CYP26C1: variants seen among roughly 807,000 people sequenced by gnomAD.
CYP26C1 encodes cytochrome P450 26C1.
In CYP26C1, 41 loss-of-function variants were observed where a neutral mutation model predicts 39.1. That is an observed-to-expected ratio of 1.05 (90% CI 0.82 to 1.36). CYP26C1 has a LOEUF of 1.36. Among genes scored for constraint, CYP26C1 ranks in the 40% most tolerant of loss-of-function variants. The pLI, the probability that CYP26C1 is intolerant of heterozygous loss-of-function variation, is 0.00. For missense variants in CYP26C1, 833 were observed against 752.0 expected, an observed-to-expected ratio of 1.11 and a Z score of -1.26; for synonymous variants, 362 against 350.8, an observed-to-expected ratio of 1.03 and a Z score of -0.36.
chr10:93,064,557 C>T (rs1242725557), intron 4 of CYP26C1, 21 bp downstream of exon 4: 1 of 1,602,258 alleles, frequency 6.2e-7, no homozygotes, highest in Non-Finnish European at 8.5e-7. Context: ...ACAGGCCGCT[C>T]CTTCTCCCCT....
At chr10:93,063,122 C>A in intron 3 of CYP26C1, 127 bp downstream of exon 3, 2 of 1,428,118 alleles carry the variant, frequency 1.4e-6, no homozygotes, top group South Asian at 1.5e-5. Context: ...GGCGGCAGGG[C>A]CCGGGGGTGG....
chr10:93,062,655 A>C, intron 2 of CYP26C1, 65 bp from the exon 3 acceptor site: 3 of 1,312,398 alleles, frequency 2.3e-6, no homozygotes, highest in Admixed American at 3.5e-5. Context: ...CCTTCTGGCT[A>C]CTCCGGAATC....
intron 4 of CYP26C1, 177 bp downstream of exon 4, chr10:93,064,713 C>T (rs998335064): frequency 1.1e-4 from 155 of 1,349,812 alleles, no homozygotes; most frequent in East Asian, 8.6e-5. Context: ...ACACTCACTA[C>T]CTCTGCAGCC....
rs781525825 is a variant in CYP26C1, at chr10:93,068,484, C to T, written c.1356C>T (p.Phe452=). 3 of 1,609,508 alleles carry T rather than the reference C, an allele frequency of 1.9e-6. No homozygotes were observed. The highest frequency in any genetic ancestry group is 2.2e-5 in the East Asian group (1 of 44,784). ...GASSRFHYIP[F]GGGARSCLGQ... is the part of the protein sequence containing the mutation. The stretch of plus-strand genomic sequence containing the variant: ...CCAGCCGCTTCCATTACATCCCGTT[C>T]GGCGGCGGTGCGCGCAGCTGCCTCG... Residue 452 remains phenylalanine, a synonymous_variant, in exon 6 of 6, where the codon TTC becomes TTT. Transcript: ENST00000651965.
Position 93,062,315 on chromosome 10 carries a change from G to A in CYP26C1, c.429+81G>A, listed in dbSNP as rs911968457. ...TGCCATGGGCCAGGCCGGGGCCCCGGTGTTGGATACACTGTGAACCCGACC... is the reference window on the plus strand; with the variant it reads ...TGCCATGGGCCAGGCCGGGGCCCCGATGTTGGATACACTGTGAACCCGACC... On this transcript the variant is annotated intron_variant, in intron 2 of 5. Transcript: ENST00000651965. 5 of 1,408,360 alleles carry A rather than the reference G, an allele frequency of 3.6e-6. No homozygotes were observed. The South Asian group carries it at 5.6e-5, about 16-fold the overall frequency. 87.2% of individuals were successfully genotyped at this position (1,408,360 alleles called of 1,614,324 possible). A position where few individuals can be genotyped will look rare whatever the true frequency, so the allele number is the denominator to read the frequency against.
chr10:93,061,578 C>G (rs1846749819), intron 1 of CYP26C1, 111 bp downstream of exon 1: 1 of 1,341,882 alleles, frequency 7.5e-7, no homozygotes, highest in African/African-American at 1.5e-5. Flanking sequence ...CCCTGCCCAT[C>G]GCCCACGACC....
intron 3 of CYP26C1, chr10:93,063,566 C>T (rs1846779335): frequency 1.0e-6 from 1 of 985,684 alleles, no homozygotes; most frequent in South Asian, 4.7e-5. Flanking sequence ...TAGGATGCCC[C>T]ATCCCGCCTT....
chr10:93,064,018 A>C, intron 3 of CYP26C1: 1 of 1,046,776 alleles, frequency 9.6e-7, no homozygotes, highest in South Asian at 3.7e-5. Flanking sequence ...AGTACAGGGA[A>C]AGGGCAATGG....
rs200946223 is a variant in CYP26C1, at chr10:93,061,411, C to T, written c.148C>T (p.Pro50Ser). The T allele has an allele frequency of 4.3e-5, 67 of 1,558,838 alleles. No individual in the cohort carries two copies. Among genetic ancestry groups the T allele is most frequent in the Non-Finnish European group, 4.9e-5 (56 of 1,151,556 alleles). Residue 50 changes from proline (P) to serine (S), a missense_variant, in exon 1 of 6, where the codon CCC (proline) becomes TCC (serine). Transcript: ENST00000651965. ...GGACCGGGCCTCCACCCTGCCTCTG[C>T]CCAAGGGCTCCATGGGGTGGCCCTT... ...SRDRASTLPL[P>S]KGSMGWPFFG...
chr10:93,061,467 G>A lies in CYP26C1; in HGVS notation c.204G>A (p.Gln68=). The A allele has an allele frequency of 6.5e-7, 1 of 1,550,074 alleles. No homozygotes were observed. The highest frequency in any genetic ancestry group is 8.7e-7 in the Non-Finnish European group (1 of 1,147,406). The change falls in exon 1 of 6, where the codon CAG becomes CAA. Residue 68 remains glutamine, a splice_region_variant and synonymous_variant. Coordinates refer to ENST00000651965, the MANE Select transcript of CYP26C1 (RefSeq NM_183374.3). ...GCGAAACGCTGCACTGGTTAGTTCA[G>A]GTGAGCAGTCCTTCGACCCCGAGCG... is the stretch of plus-strand genomic sequence containing the variant. ...FFGETLHWLV[Q]GSRFHSSRRE...
At chr10:93,067,101 T>C (rs1025123532) in intron 5 of CYP26C1, among the ~76,000 whole-genome samples, 4 of 152,192 alleles carry the variant, frequency 2.6e-5, no homozygotes, top group African/African-American at 9.7e-5. Context: ...AAATGGGCAT[T>C]CCACAGTGAA....
rs902426441 is a variant in CYP26C1, at chr10:93,066,397, G to A, written c.1191+112G>A. On this transcript the variant is annotated intron_variant, in intron 5 of 5. Coordinates refer to ENST00000651965, the MANE Select transcript of CYP26C1 (RefSeq NM_183374.3). ...GGTGGGAGGAGGGCGGAGGGATTCG[G>A]ACGGCGCGGTCACCTCTTTTGCCCT... 3.0e-5 allele frequency: 32 copies of A among 1,080,886 alleles called. No individual in the cohort carries two copies. In the East Asian group the frequency reaches 5.4e-4, roughly 18 times the overall value. 67.0% of individuals were successfully genotyped at this position (1,080,886 alleles called of 1,614,324 possible).
rs1165536765 is a variant in CYP26C1 at position 93,068,453 on chromosome 10, G to A, written c.1325G>A (p.Gly442Asp). The A allele has an allele frequency of 1.2e-6, 2 of 1,611,510 alleles. No individual in the cohort carries two copies. Among genetic ancestry groups the A allele is most frequent in the Non-Finnish European group, 8.5e-7 (1 of 1,179,442 alleles). The change falls in exon 6 of 6, where the codon GGC becomes GAC. Residue 442 changes from glycine (G) to aspartate (D), a missense_variant. By Grantham distance (94) the Gly-to-Asp change is moderately conservative. Coordinates refer to ENST00000651965, the MANE Select transcript of CYP26C1 (RefSeq NM_183374.3). ...GGCGCAGCGCGCGAAGATTCCCGGG[G>A]CGCCTCCAGCCGCTTCCATTACATC... The part of the protein sequence containing the change: ...RFGAAREDSR[G>D]ASSRFHYIPF...
In CYP26C1 at chr10:93,069,296, T is replaced by G. The variant is rs1387621247; in HGVS notation, c.*599T>G. 6.6e-6 allele frequency: 1 copy of G among 152,262 alleles called. No homozygotes were observed. The highest frequency in any genetic ancestry group is 2.4e-5 in the African/African-American group (1 of 41,466). The allele number at this position is 152,262 out of a possible 1,614,324, so 9.4% of individuals were successfully genotyped here. A position where few individuals can be genotyped will look rare whatever the true frequency, so the allele number is the denominator to read the frequency against. On this transcript the variant is annotated 3_prime_UTR_variant, in exon 6 of 6. Transcript: ENST00000651965. Reference sequence around the variant, plus strand: ...GCCGGTCTCGGCGGAAACTAGCAACTGTGGGCACTTCCAGGCTCGAAAGGG... The same window carrying G: ...GCCGGTCTCGGCGGAAACTAGCAACGGTGGGCACTTCCAGGCTCGAAAGGG...
chr10:93,062,656 C>G, intron 2 of CYP26C1, 64 bp from the exon 3 acceptor site: 1 of 1,335,674 alleles, frequency 7.5e-7, no homozygotes, highest in Non-Finnish European at 9.7e-7. Context: ...CTTCTGGCTA[C>G]TCCGGAATCG....
Position 93,068,383 on chromosome 10 carries a change from G to C in CYP26C1, c.1255G>C (p.Ala419Pro). The C allele has an allele frequency of 6.3e-7, 1 of 1,595,100 alleles. No homozygotes were observed. The highest frequency in any genetic ancestry group is 8.5e-7 in the Non-Finnish European group (1 of 1,173,372). Residue 419 changes from alanine to proline, a missense_variant, in exon 6 of 6, where the codon GCG becomes CCG. Ala to Pro is a conservative substitution (Grantham distance 27). Transcript: ENST00000651965. ...CATCCGGGACACGCACGAGACGGCT[G>C]CGGTGTACCGCAGCCCTCCCGAAGG... The part of the protein sequence containing the change: ...YSIRDTHETA[A>P]VYRSPPEGFD...
chr10:93,067,765 C>T (rs540884657), intron 5 of CYP26C1, among the ~76,000 whole-genome samples: 32 of 152,310 alleles, frequency 2.1e-4, no homozygotes, highest in Admixed American at 5.9e-4. Flanking sequence ...GTTTGATTCT[C>T]ATGTGCGCCT....
chr10:93,062,632 G>A (rs1846765755), intron 2 of CYP26C1, 88 bp from the exon 3 acceptor site: 3 of 1,195,096 alleles, frequency 2.5e-6, no homozygotes, highest in Non-Finnish European at 2.2e-6. Flanking sequence ...GAGGGAGAAA[G>A]GACCGGAACT....
chr10:93,066,320 T>A (rs1421168467), intron 5 of CYP26C1, 35 bp downstream of exon 5: 2 of 1,248,808 alleles, frequency 1.6e-6, no homozygotes, highest in Non-Finnish European at 2.0e-6. Context: ...GCCAGCCTCC[T>A]GCCTCCTGCC....
Sources: gnomAD v4.1 joint callset for allele counts (sites outside exome capture counted in the v4.1 genomes callset) on GRCh38, gnomAD v4.1.1 for gene constraint, MANE v1.5 for transcripts, NCBI Gene and HGNC (gene_info 2026-07-23, HGNC 2026-07-21) for gene names.